CRYM: variants seen among roughly 807,000 people sequenced by gnomAD.
CRYM encodes the protein ketimine reductase mu-crystallin.
CRYM carries 18 observed loss-of-function variants against 32.9 expected under a neutral mutation model. The observed-to-expected ratio is 0.55, with a 90% CI of 0.38 to 0.81. The LOEUF is 0.81. Ranked by LOEUF, CRYM falls within the 30% of genes least tolerant of loss-of-function variation. CRYM has a pLI of 0.00. For synonymous variants in CRYM, 153 were observed against 152.4 expected (o/e 1.00, Z -0.03); for missense variants, 337 against 393.5 (o/e 0.86, Z 1.21).
intron 1 of CRYM, among the ~76,000 whole-genome samples, chr16:21,289,102 G>C (rs898415248): frequency 6.6e-6 from 1 of 152,040 alleles, no homozygotes; most frequent in Non-Finnish European, 1.5e-5. Context: ...TATACCTTTA[G>C]GTCAGGTGGT....
Position 21,277,407 on chromosome 16 carries a change from AC to A in CRYM, c.324+23del. 6.2e-7 allele frequency: 1 copy of A among 1,610,772 alleles called. No homozygotes were observed. ...AATCTGGGCCCAGGGGCCCCATTCCACCCCGGGACAGGAAGTTGCTCACCGC... is the reference window on the plus strand; with the variant it reads ...AATCTGGGCCCAGGGGCCCCATTCCACCCGGGACAGGAAGTTGCTCACCGC... On this transcript the variant is annotated intron_variant, in intron 2 of 7. Coordinates refer to ENST00000572914, the MANE Select transcript of CRYM (RefSeq NM_001376256.1). The surrounding 1 kb of genome is among the most constrained non-coding windows in gnomAD (Gnocchi z 4.2).
At chr16:21,273,633 C>A (rs2093380503) in intron 3 of CRYM, among the ~76,000 whole-genome samples, 1 of 152,202 alleles carries the variant, frequency 6.6e-6, no homozygotes, top group Non-Finnish European at 1.5e-5. Context: ...AACTTCTTAT[C>A]TGGGACAAGA....
intron 1 of CRYM, chr16:21,283,982 C>G (rs1019582258): frequency 6.6e-6 from 1 of 152,378 alleles, no homozygotes; most frequent in African/African-American, 2.4e-5. Flanking sequence ...TGCTCGGGAG[C>G]CCCGGCCAGC....
chr16:21,290,064 A>G (rs1349505577), intron 1 of CRYM, among the ~76,000 whole-genome samples: 1 of 151,794 alleles, frequency 6.6e-6, no homozygotes, highest in Non-Finnish European at 1.5e-5. Context: ...TGGACCAATC[A>G]GTGTTCTGTA....
intron 1 of CRYM, among the ~76,000 whole-genome samples, chr16:21,290,419 G>A (rs1429523123): frequency 6.6e-6 from 1 of 152,110 alleles, no homozygotes; most frequent in African/African-American, 2.4e-5. Flanking sequence ...CCCACTGGAA[G>A]GAAGAAACTC....
At position 21,258,738 on chromosome 16, in the gene CRYM, C is replaced by A. The variant is rs1278787005; in HGVS notation, c.*43G>T. 2 of 1,521,786 alleles carry A rather than the reference C, an allele frequency of 1.3e-6. No individual in the cohort carries two copies. The highest frequency in any genetic ancestry group is 1.1e-5 in the South Asian group (1 of 89,158). 94.3% of individuals were successfully genotyped at this position (1,521,786 alleles called of 1,614,324 possible). A position where few individuals can be genotyped will look rare whatever the true frequency, so the allele number is the denominator to read the frequency against. Reference sequence around the variant, plus strand: ...CTCTAGAAATTATGAGAACCAGCAGCAATATTCCTCAAGCATCCATCTCAA... The same window carrying A: ...CTCTAGAAATTATGAGAACCAGCAGAAATATTCCTCAAGCATCCATCTCAA... On this transcript the variant is annotated 3_prime_UTR_variant, in exon 8 of 8. Transcript: ENST00000572914.
In CRYM at chr16:21,258,858, GA is replaced by G. The variant is rs780122021; in HGVS notation, c.881-14del. 1.2e-6 allele frequency: 2 copies of G among 1,613,854 alleles called. No homozygotes were observed. The highest frequency in any genetic ancestry group is 1.6e-4 in the Middle Eastern group (1 of 6,062). The stretch of plus-strand genomic sequence containing the variant: ...TCCACTGCCATTCCTAGAATAGACA[GA>G]AATTTGGTTCGCCTTTGGTCAAAAC... On this transcript the variant is annotated splice_polypyrimidine_tract_variant and intron_variant, in intron 7 of 7. Transcript: ENST00000572914.
intron 1 of CRYM, among the ~76,000 whole-genome samples, chr16:21,290,961 C>T (rs901731364): frequency 6.6e-6 from 1 of 152,190 alleles, no homozygotes; most frequent in Non-Finnish European, 1.5e-5. Flanking sequence ...TGGACATCAG[C>T]TTTCCCAAAA....
intron 2 of CRYM, 92 bp from the exon 3 acceptor site, chr16:21,275,686 T>A: frequency 1.9e-6 from 2 of 1,036,186 alleles, no homozygotes; most frequent in Non-Finnish European, 3.0e-6. Flanking sequence ...TTAGGAAGTT[T>A]TATAGCATCC....
upstream of CRYM, among the ~76,000 whole-genome samples, chr16:21,282,781 A>C (rs2093400412): frequency 6.6e-6 from 1 of 152,170 alleles, no homozygotes; most frequent in South Asian, 2.1e-4. Flanking sequence ...GGTCCTCAGT[A>C]AAGTAGCACT....
chr16:21,276,312 T>C (rs1033979552), intron 2 of CRYM, among the ~76,000 whole-genome samples: 1 of 152,184 alleles, frequency 6.6e-6, no homozygotes, highest in African/African-American at 2.4e-5. Context: ...AGCCTTGGGT[T>C]CTACCCCCCT....
At chr16:21,281,042 T>G (rs1455084832), upstream of CRYM, among the ~76,000 whole-genome samples, 1 of 151,146 alleles carries the variant, frequency 6.6e-6, no homozygotes, top group Non-Finnish European at 1.5e-5. Context: ...GAGGTGGAGG[T>G]TGCAGTGAGC....
At chr16:21,296,226 C>T (rs1373510860) in intron 1 of CRYM, among the ~76,000 whole-genome samples, 1 of 152,208 alleles carries the variant, frequency 6.6e-6, no homozygotes, top group Non-Finnish European at 1.5e-5. Context: ...GTGTGAGTCA[C>T]TGCACCCAGC....
intron 4 of CRYM, among the ~76,000 whole-genome samples, chr16:21,269,122 C>A (rs554784882): frequency 2.9e-5 from 4 of 135,688 alleles, no homozygotes; most frequent in African/African-American, 1.1e-4. Flanking sequence ...CCAGCCTGGG[C>A]GACAGCGCGA....
rs554519464 is a variant in CRYM, at chr16:21,258,969, G to A, written c.881-124C>T. 286 of 769,882 alleles carry A rather than the reference G, an allele frequency of 3.7e-4. 1 individual carries two copies. In the Admixed American group the frequency reaches 5.2e-3, roughly 14 times the overall value. The allele number at this position is 769,882 out of a possible 1,614,324, so 47.7% of individuals were successfully genotyped here. A position where few individuals can be genotyped will look rare whatever the true frequency, so the allele number is the denominator to read the frequency against. On this transcript the variant is annotated intron_variant, in intron 7 of 7. Transcript: ENST00000572914. ...TGCCAATGCCTATTGGAATAACAGG[G>A]ACTGATACCCAGAGATGAGCTCAGG...
At chr16:21,291,596 T>C (rs1960657597) in intron 1 of CRYM, among the ~76,000 whole-genome samples, 1 of 152,118 alleles carries the variant, frequency 6.6e-6, no homozygotes, top group South Asian at 2.1e-4. Flanking sequence ...GTGATTAGTA[T>C]CTATATTGTA....
In CRYM at chr16:21,258,668, T is replaced by C. The variant is rs74595324; in HGVS notation, c.*113A>G. 2.0e-3 allele frequency: 1,822 copies of C among 924,754 alleles called. 19 individuals carry two copies. The African/African-American group carries it at 0.025, about 13-fold the overall frequency. 57.3% of individuals were successfully genotyped at this position (924,754 alleles called of 1,614,324 possible). A position where few individuals can be genotyped will look rare whatever the true frequency, so the allele number is the denominator to read the frequency against. On this transcript the variant is annotated 3_prime_UTR_variant, in exon 8 of 8. Coordinates refer to ENST00000572914, the MANE Select transcript of CRYM (RefSeq NM_001376256.1). ...TCTCAGCATTTAAGGTAAAACATGA[T>C]AAGCACAAAAGGAGAGTTCACTGGG... is the stretch of plus-strand genomic sequence containing the variant.
intron 4 of CRYM, chr16:21,268,436 T>C (rs1205531712): frequency 6.6e-6 from 1 of 152,242 alleles, no homozygotes; most frequent in African/African-American, 2.4e-5. Flanking sequence ...CACCAGGAGC[T>C]GGGGACTTGC....
At chr16:21,265,962 G>A (rs1207112687) in intron 5 of CRYM, among the ~76,000 whole-genome samples, 2 of 152,200 alleles carry the variant, frequency 1.3e-5, no homozygotes, top group Non-Finnish European at 2.9e-5. Flanking sequence ...AGTGGCTCAC[G>A]CCTGTAATCC....
Sources: allele counts gnomAD v4.1 joint callset (sites outside exome capture counted in the v4.1 genomes callset), GRCh38; gene constraint gnomAD v4.1.1; non-coding constraint Gnocchi (gnomAD v3.1); transcripts MANE v1.5; gene names NCBI Gene and HGNC (gene_info 2026-07-23, HGNC 2026-07-21).